Variants in SFI1 observed in about 807,000 individuals in gnomAD.
The protein encoded by SFI1 is protein SFI1 homolog.
Under a neutral mutation model 207.5 loss-of-function variants are expected in SFI1, and 195 were observed. The ratio of observed to expected loss-of-function variants is 0.94; its 90% CI spans 0.84 to 1.06. The LOEUF (loss-of-function observed/expected upper bound fraction) is 1.06. Ranked by LOEUF, SFI1 falls within the 50% of genes least tolerant of loss-of-function variation. The pLI is 0.00. For missense variants in SFI1, 1,634 were observed against 1,588.0 expected (o/e 1.03, Z -0.49); for synonymous variants, 630 against 598.9 (o/e 1.05, Z -0.76).
At chr22:31,526,839 A>G (rs1364376253) in intron 2 of SFI1, among the ~76,000 whole-genome samples, 1 of 152,158 alleles carries the variant, frequency 6.6e-6, no homozygotes, top group African/African-American at 2.4e-5. Flanking sequence ...CTGGAATTAC[A>G]GGCTTGAGCT....
Position 31,547,042 on chromosome 22 carries a change from T to C in SFI1, c.449+71T>C. ...TCAGATGATTATTTGTTGGCGTGTTTATGGTCAAAAGAAGCAAACTTTGGG... is the reference window on the plus strand; with the variant it reads ...TCAGATGATTATTTGTTGGCGTGTTCATGGTCAAAAGAAGCAAACTTTGGG... On this transcript the variant is annotated intron_variant, in intron 5 of 32. Coordinates refer to ENST00000400288, the MANE Select transcript of SFI1 (RefSeq NM_001007467.3). The C allele has an allele frequency of 2.5e-6, 3 of 1,200,786 alleles. No individual in the cohort carries two copies. In the African/African-American group the frequency reaches 4.6e-5, roughly 18 times the overall value. 74.4% of individuals were successfully genotyped at this position (1,200,786 alleles called of 1,614,324 possible). A position where few individuals can be genotyped will look rare whatever the true frequency, so the allele number is the denominator to read the frequency against.
chr22:31,554,385 C>T (rs180968017), intron 6 of SFI1, among the ~76,000 whole-genome samples: 31 of 151,670 alleles, frequency 2.0e-4, no homozygotes, highest in East Asian at 1.8e-3. Flanking sequence ...CTCGGCTCAC[C>T]GCAAGCTCCA....
chr22:31,558,484 T>TA (rs1569305676), intron 7 of SFI1, among the ~76,000 whole-genome samples: 1 of 151,922 alleles, frequency 6.6e-6, no homozygotes, highest in Non-Finnish European at 1.5e-5. Context: ...TTTTTTTTTT[T>TA]ATGAGATGGA....
At chr22:31,593,283 G>A (rs1380040343) in intron 15 of SFI1, among the ~76,000 whole-genome samples, 1 of 144,166 alleles carries the variant, frequency 6.9e-6, no homozygotes, top group East Asian at 2.1e-4. Flanking sequence ...CTCAGACGGG[G>A]CGGCCGGGCA....
chr22:31,618,076 G>A, intron 31 of SFI1, 39 bp from the exon 32 acceptor site: 3 of 1,544,230 alleles, frequency 1.9e-6, no homozygotes, highest in Non-Finnish European at 2.6e-6. Flanking sequence ...CTCTGCCAAG[G>A]ACCCAGCCTG....
intron 2 of SFI1, among the ~76,000 whole-genome samples, chr22:31,511,298 A>G (rs1416722381): frequency 6.6e-6 from 1 of 152,074 alleles, no homozygotes. Flanking sequence ...CCCTGTTGAT[A>G]GACGTTCTCA....
intron 15 of SFI1, among the ~76,000 whole-genome samples, chr22:31,598,480 C>T (rs533332131): frequency 9.9e-5 from 15 of 151,956 alleles, no homozygotes; most frequent in South Asian, 4.2e-4. Flanking sequence ...AGTGCAGTGG[C>T]GCTGTCTCAG....
chr22:31,608,982 G>A (rs1379305574), intron 22 of SFI1, among the ~76,000 whole-genome samples: 1 of 151,822 alleles, frequency 6.6e-6, no homozygotes, highest in Non-Finnish European at 1.5e-5. Flanking sequence ...CTCCAGCTTG[G>A]GTGACAGAAT....
chr22:31,604,799 C>T, intron 19 of SFI1, 70 bp from the exon 20 acceptor site: 1 of 1,439,902 alleles, frequency 6.9e-7, no homozygotes, highest in South Asian at 1.2e-5. Flanking sequence ...GTAGATGCAC[C>T]TCTGAGGCCT....
intron 2 of SFI1, among the ~76,000 whole-genome samples, chr22:31,522,194 G>T (rs539390234): frequency 3.4e-5 from 5 of 149,200 alleles, no homozygotes; most frequent in African/African-American, 9.9e-5. Flanking sequence ...CAGCCTCCCA[G>T]GTAGCTGGGA....
intron 2 of SFI1, among the ~76,000 whole-genome samples, chr22:31,514,875 G>A (rs1309303884): frequency 1.3e-5 from 2 of 151,522 alleles, no homozygotes; most frequent in African/African-American, 4.9e-5. Flanking sequence ...GGATTCAAGC[G>A]ATTCTTCTGC....
Position 31,611,758 on chromosome 22 carries a change from T to TC in SFI1, c.2416-3dup. 2 of 1,612,338 alleles carry TC rather than the reference T, an allele frequency of 1.2e-6. No individual in the cohort carries two copies. Reference sequence around the variant, plus strand: ...GACGCCACTCTCTGTGCACTTGCTCTCCCCCAGCTCCTGCACAGGCAGAGC... The same window carrying TC: ...GACGCCACTCTCTGTGCACTTGCTCTCCCCCCAGCTCCTGCACAGGCAGAGC... On this transcript the variant is annotated splice_polypyrimidine_tract_variant and splice_region_variant and intron_variant, in intron 23 of 32. Coordinates refer to ENST00000400288, the MANE Select transcript of SFI1 (RefSeq NM_001007467.3).
chr22:31,514,933 A>G (rs1036490444), intron 2 of SFI1, among the ~76,000 whole-genome samples: 1 of 151,972 alleles, frequency 6.6e-6, no homozygotes, highest in Non-Finnish European at 1.5e-5. Context: ...CACCATGCCC[A>G]GCTAATTTTT....
intron 21 of SFI1, 40 bp from the exon 22 acceptor site, chr22:31,607,897 A>C (rs989804017): frequency 1.3e-6 from 2 of 1,584,250 alleles, no homozygotes; most frequent in African/African-American, 1.3e-5. Context: ...GGAAGCCAGG[A>C]GGTATAGTGA....
intron 4 of SFI1, among the ~76,000 whole-genome samples, chr22:31,541,762 A>C (rs1044048521): frequency 1.4e-5 from 2 of 143,770 alleles, no homozygotes; most frequent in African/African-American, 4.9e-5. Flanking sequence ...AAAAAAAAAA[A>C]AGAATTGTGA....
chr22:31,578,512 TG>T (rs917793736), intron 11 of SFI1, 60 bp downstream of exon 11: 302 of 1,514,892 alleles, frequency 2.0e-4, no homozygotes, highest in Admixed American at 2.7e-4. Context: ...TATCCACTCT[TG>T]GGGGACCCTG....
chr22:31,530,746 T>A, intron 3 of SFI1: 1 of 417,556 alleles, frequency 2.4e-6, no homozygotes, highest in Non-Finnish European at 4.8e-6. Context: ...TGCCGGCCAT[T>A]TTAGGCAGGA....
intron 22 of SFI1, among the ~76,000 whole-genome samples, chr22:31,608,288 C>A (rs2147173765): frequency 6.6e-6 from 1 of 152,294 alleles, no homozygotes; most frequent in African/African-American, 2.4e-5. Context: ...TCCTTCCTTG[C>A]CTCTCCCAGC....
In SFI1 at chr22:31,528,674, C is replaced by T. The variant is rs1394518927; in HGVS notation, c.93-16C>T. The stretch of plus-strand genomic sequence containing the variant: ...AACTTTATTCTCTCCTTGCCTCTTT[C>T]GTCCTCAAATTTAAGGTATTTTAAG... On this transcript the variant is annotated splice_polypyrimidine_tract_variant and intron_variant, in intron 2 of 32. Coordinates refer to ENST00000400288, the MANE Select transcript of SFI1 (RefSeq NM_001007467.3). 9.9e-6 allele frequency: 16 copies of T among 1,609,030 alleles called. No individual in the cohort carries two copies. The highest frequency in any genetic ancestry group is 4.5e-5 in the East Asian group (2 of 44,846).
Sources: allele counts gnomAD v4.1 joint callset (sites outside exome capture counted in the v4.1 genomes callset), GRCh38; gene constraint gnomAD v4.1.1; transcripts MANE v1.5; gene names NCBI Gene and HGNC (gene_info 2026-07-23, HGNC 2026-07-21).